TUFT1: variants seen among roughly 807,000 people sequenced by gnomAD.
TUFT1 encodes the protein tuftelin 1.
Under a neutral mutation model 57.8 loss-of-function variants are expected in TUFT1, and 43 were observed. That is an observed-to-expected ratio of 0.74 (90% confidence interval 0.58 to 0.96). The LOEUF (loss-of-function observed/expected upper bound fraction) is 0.96, where lower values mean the gene tolerates loss of function less well. TUFT1 is among the 40% of genes least tolerant of loss of function. The pLI, the probability that TUFT1 is intolerant of heterozygous loss-of-function variation, is 0.00. For synonymous variants in TUFT1, 166 were observed against 176.7 expected (o/e 0.94, Z 0.48); for missense variants, 459 against 489.0 (o/e 0.94, Z 0.58).
rs768044515 is a variant in TUFT1 at position 151,540,464 on chromosome 1, A to G, written c.60+38A>G. ...GCTCTCGCTGTCTTCTCCGTTTTGT[A>G]TTCCCGGTTTCTAAGTCCGCCCCTT... On this transcript the variant is annotated intron_variant, in intron 1 of 12. Coordinates refer to ENST00000368849, the MANE Select transcript of TUFT1 (RefSeq NM_020127.3). 7.1e-5 allele frequency: 114 copies of G among 1,612,752 alleles called. No homozygotes were observed. The East Asian group carries it at 2.4e-3, about 34-fold the overall frequency.
intron 1 of TUFT1, among the ~76,000 whole-genome samples, chr1:151,553,143 G>A (rs993643392): frequency 1.3e-5 from 2 of 151,972 alleles, no homozygotes; most frequent in African/African-American, 4.8e-5. Context: ...CCAGGCTGGA[G>A]TGCAGTGGCA....
intron 9 of TUFT1, among the ~76,000 whole-genome samples, chr1:151,575,440 A>C (rs896065443): frequency 1.3e-5 from 2 of 152,310 alleles, no homozygotes; most frequent in East Asian, 3.9e-4. Flanking sequence ...GAGCAGCTTC[A>C]TGAGGAGATA....
chr1:151,562,097 G>T lies in TUFT1; in HGVS notation c.67G>T (p.Val23Leu), dbSNP rs147244422. The T allele has an allele frequency of 3.1e-6, 5 of 1,613,906 alleles. No individual in the cohort carries two copies. In the African/African-American group the frequency reaches 5.3e-5, roughly 17 times the overall value. ...CTGTCATTGTCATTATTAGGGCAGC[G>T]TGGACATTCTCAGGCTGACTCTCCA... The part of the protein sequence containing the change: ...VHPEDQAAGS[V>L]DILRLTLQGE... Residue 23 changes from valine (V) to leucine (L), a missense_variant, in exon 2 of 13, where the codon GTG (valine) becomes TTG (leucine). Coordinates refer to ENST00000368849, the MANE Select transcript of TUFT1 (RefSeq NM_020127.3).
intron 6 of TUFT1, among the ~76,000 whole-genome samples, chr1:151,568,764 G>A (rs1365008074): frequency 1.3e-5 from 2 of 152,184 alleles, no homozygotes; most frequent in African/African-American, 4.8e-5. Context: ...AATAACACCT[G>A]GTAATATCTG....
intron 1 of TUFT1, among the ~76,000 whole-genome samples, chr1:151,558,259 A>T (rs1160381001): frequency 6.6e-6 from 1 of 151,794 alleles, no homozygotes; most frequent in Non-Finnish European, 1.5e-5. Context: ...TTCCTTTGTC[A>T]ATTCTGAATT....
chr1:151,564,683 C>A, intron 5 of TUFT1, 69 bp downstream of exon 5: 2 of 1,288,504 alleles, frequency 1.6e-6, no homozygotes, highest in East Asian at 2.3e-5. Context: ...GTCTCATTTA[C>A]CAATTACCCA....
chr1:151,565,501 A>G (rs1446993827), intron 5 of TUFT1, among the ~76,000 whole-genome samples: 1 of 152,102 alleles, frequency 6.6e-6, no homozygotes, highest in African/African-American at 2.4e-5. Flanking sequence ...AAATTACCTA[A>G]TTTTTGCTTT....
At chr1:151,570,310 T>C (rs888899771) in intron 7 of TUFT1, among the ~76,000 whole-genome samples, 1 of 152,196 alleles carries the variant, frequency 6.6e-6, no homozygotes, top group Non-Finnish European at 1.5e-5. Flanking sequence ...AGTATCTTTT[T>C]TTCACTCTGC....
intron 1 of TUFT1, among the ~76,000 whole-genome samples, chr1:151,560,242 C>T (rs1295655158): frequency 1.3e-5 from 2 of 151,584 alleles, no homozygotes; most frequent in East Asian, 2.0e-4. Flanking sequence ...GTGGCGAAAC[C>T]CCGTCTCTAC....
At chr1:151,554,480 A>G (rs1571692711) in intron 1 of TUFT1, among the ~76,000 whole-genome samples, 1 of 152,150 alleles carries the variant, frequency 6.6e-6, no homozygotes, top group Non-Finnish European at 1.5e-5. Flanking sequence ...GCTCACTGCA[A>G]CCTCTGCCTC....
chr1:151,551,795 G>C (rs1665519003), intron 1 of TUFT1, among the ~76,000 whole-genome samples: 1 of 152,108 alleles, frequency 6.6e-6, no homozygotes, highest in Admixed American at 6.5e-5. Flanking sequence ...TGATGGTCCT[G>C]ATCATAAGGG....
At chr1:151,540,555 C>T (rs1665129158) in intron 1 of TUFT1, 129 bp downstream of exon 1, 1 of 1,023,422 alleles carries the variant, frequency 9.8e-7, no homozygotes, top group Non-Finnish European at 1.5e-6. Flanking sequence ...CCCTGCGCGG[C>T]GCTTCTCTCT....
intron 6 of TUFT1, among the ~76,000 whole-genome samples, chr1:151,568,314 G>A (rs1012101438): frequency 1.3e-5 from 2 of 152,040 alleles, no homozygotes; most frequent in Admixed American, 1.3e-4. Flanking sequence ...CCTGTAAAAT[G>A]TTCAGTATAC....
intron 1 of TUFT1, among the ~76,000 whole-genome samples, chr1:151,555,776 C>CAAAAA (rs776491723): frequency 2.8e-5 from 2 of 70,396 alleles, no homozygotes; most frequent in Non-Finnish European, 2.8e-5. Flanking sequence ...GACTCCGTCT[C>CAAAAA]AAAAAAAAAA....
chr1:151,548,305 C>CTTT lies in TUFT1; in HGVS notation c.60+7893_60+7895dup, dbSNP rs11435666. On this transcript the variant is annotated intron_variant, in intron 1 of 12. Transcript: ENST00000368849. Reference sequence around the variant, plus strand: ...TACTTTTCTTTTTTCTTTTTCTTTTCTTTTTTTTTTTTTTTTGAGACGGAG... The same window carrying CTTT: ...TACTTTTCTTTTTTCTTTTTCTTTTCTTTTTTTTTTTTTTTTTTTGAGACGGAG... Among the ~76,000 whole-genome samples the CTTT allele has an allele frequency of 7.2e-4, 94 of 130,548 alleles. 4 individuals carry two copies. Among genetic ancestry groups the CTTT allele is most frequent in the South Asian group, 1.2e-3 (5 of 4,132 alleles). The allele number at this position is 130,548 out of a possible 152,430, so 85.6% of individuals were successfully genotyped here. A position where few individuals can be genotyped will look rare whatever the true frequency, so the allele number is the denominator to read the frequency against.
At chr1:151,574,873 A>T in intron 8 of TUFT1, 38 bp from the exon 9 acceptor site, 1 of 1,529,968 alleles carries the variant, frequency 6.5e-7, no homozygotes. Flanking sequence ...AACTGTTGCC[A>T]TCTTCTCATC....
intron 1 of TUFT1, among the ~76,000 whole-genome samples, chr1:151,556,945 G>A (rs924105388): frequency 1.3e-5 from 2 of 152,160 alleles, no homozygotes; most frequent in South Asian, 4.1e-4. Context: ...CTGTACTCCA[G>A]CCTGGGTGAC....
intron 1 of TUFT1, among the ~76,000 whole-genome samples, chr1:151,541,863 A>C (rs1665178406): frequency 6.6e-6 from 1 of 152,180 alleles, no homozygotes; most frequent in Admixed American, 6.5e-5. Context: ...TTAAGCGACG[A>C]GTGTCTTGCT....
chr1:151,569,012 T>C (rs12065239), intron 6 of TUFT1, among the ~76,000 whole-genome samples: 3,703 of 152,282 alleles, frequency 0.024, 139 homozygotes, highest in African/African-American at 0.085. Flanking sequence ...GGTGAGACCC[T>C]ACATGTTAGC....
Sources: gnomAD v4.1 joint callset for allele counts (sites outside exome capture counted in the v4.1 genomes callset) on GRCh38, gnomAD v4.1.1 for gene constraint, MANE v1.5 for transcripts, NCBI Gene and HGNC (gene_info 2026-07-23, HGNC 2026-07-21) for gene names.